CUX1: variants seen among roughly 807,000 people sequenced by gnomAD.
CUX1 encodes the protein protein CASP.
A neutral mutation model predicts 158.8 loss-of-function variants in CUX1; 31 were observed. That is an observed-to-expected ratio of 0.20 (90% CI 0.15 to 0.26). The LOEUF (loss-of-function observed/expected upper bound fraction) is 0.26, where lower values mean the gene tolerates loss of function less well. CUX1 is among the 10% of genes least tolerant of loss of function. The pLI is 1.00. For synonymous variants in CUX1, 879 were observed against 862.1 expected, an observed-to-expected ratio of 1.02 and a Z score of -0.34; for missense variants, 1,589 against 2,014.6, an observed-to-expected ratio of 0.79 and a Z score of 4.04.
chr7:102,151,521 T>G (rs1051084094), intron 8 of CUX1, among the ~76,000 whole-genome samples: 1 of 151,534 alleles, frequency 6.6e-6, no homozygotes, highest in South Asian at 2.1e-4. Flanking sequence ...GCCATTACAC[T>G]CCAGCCTGGG....
intron 2 of CUX1, among the ~76,000 whole-genome samples, chr7:101,972,496 A>T (rs1164695240): frequency 6.6e-6 from 1 of 152,200 alleles, no homozygotes; most frequent in Non-Finnish European, 1.5e-5. Context: ...CGTGTCATGG[A>T]TCCCGCATCG....
At chr7:101,944,947 G>A (rs956087966) in intron 2 of CUX1, among the ~76,000 whole-genome samples, 21 of 152,146 alleles carry the variant, frequency 1.4e-4, no homozygotes, top group South Asian at 6.2e-4. Context: ...TTAGCCTGGG[G>A]ATGAAGCTGC....
At chr7:101,964,029 G>T (rs1243194413) in intron 2 of CUX1, among the ~76,000 whole-genome samples, 1 of 152,068 alleles carries the variant, frequency 6.6e-6, no homozygotes, top group Non-Finnish European at 1.5e-5. Context: ...TCGGGAGATC[G>T]GGTGTTCTTG....
intron 11 of CUX1, among the ~76,000 whole-genome samples, chr7:102,183,747 C>G (rs2131838299): frequency 6.6e-6 from 1 of 152,340 alleles, no homozygotes; most frequent in East Asian, 1.9e-4. Context: ...CCATGTGGAG[C>G]CTGGCCCCAT....
At chr7:101,994,438 T>G (rs1815556285) in intron 2 of CUX1, among the ~76,000 whole-genome samples, 1 of 152,084 alleles carries the variant, frequency 6.6e-6, no homozygotes, top group East Asian at 1.9e-4. Context: ...CCGTCTCTAT[T>G]AAAAATACAA....
intron 10 of CUX1, among the ~76,000 whole-genome samples, 182 bp from the exon 11 acceptor site, chr7:102,178,287 G>C (rs1164477385): frequency 6.6e-6 from 1 of 152,214 alleles, no homozygotes; most frequent in African/African-American, 2.4e-5. Context: ...CGAGGTGGCA[G>C]CTAACCACAG....
intron 1 of CUX1, among the ~76,000 whole-genome samples, chr7:101,882,738 C>T (rs190075251): frequency 5.3e-5 from 8 of 152,218 alleles, no homozygotes; most frequent in East Asian, 1.9e-4. Context: ...GGAATCTGCA[C>T]GTGGGTCCTT....
At chr7:102,104,519 C>T (rs1830133179) in intron 6 of CUX1, 60 bp downstream of exon 6, 4 of 1,583,320 alleles carry the variant, frequency 2.5e-6, no homozygotes, top group Non-Finnish European at 3.4e-6. Context: ...AACTTCACAT[C>T]ATCAGACATG....
chr7:101,878,306 A>G (rs1449506594), intron 1 of CUX1, among the ~76,000 whole-genome samples: 1 of 152,226 alleles, frequency 6.6e-6, no homozygotes, highest in African/African-American at 2.4e-5. Context: ...GGAAACAGGC[A>G]GTGACTGTCA....
intron 1 of CUX1, among the ~76,000 whole-genome samples, chr7:101,871,892 C>T (rs760693588): frequency 6.6e-6 from 1 of 151,898 alleles, no homozygotes; most frequent in Non-Finnish European, 1.5e-5. Flanking sequence ...GCAGTGTGTG[C>T]CTGTAATCCC....
At position 102,083,333 on chromosome 7, in the gene CUX1, G is replaced by T. The variant is rs984440256; in HGVS notation, c.268+12916G>T. ...TGCACATTTGAATTTTGGAGACAGG[G>T]TCTTGCTCTGTTGCCCAGGCTGGAG... On this transcript the variant is annotated intron_variant, in intron 4 of 23. Transcript: ENST00000292535. 4.8e-5 allele frequency among the ~76,000 whole-genome samples: 7 copies of T among 146,962 alleles called. 2 individuals carry two copies. Among genetic ancestry groups the T allele is most frequent in the Admixed American group, 2.1e-4 (3 of 14,506 alleles).
intron 1 of CUX1, among the ~76,000 whole-genome samples, chr7:101,877,617 G>A (rs1006370614): frequency 1.3e-5 from 2 of 152,184 alleles, no homozygotes; most frequent in African/African-American, 4.8e-5. Context: ...AGCCCAGGAG[G>A]TGGAGGTTTC....
chr7:101,842,440 C>T lies in CUX1; in HGVS notation c.30+24771C>T, dbSNP rs550662155. The stretch of plus-strand genomic sequence containing the variant: ...TCTCGCTGCATCACCCAGGCTGGCA[C>T]GCAGTGGCGTGATCTCTGCTCACTG... On this transcript the variant is annotated intron_variant, in intron 1 of 23. Transcript: ENST00000292535. Among the ~76,000 whole-genome samples, 9 of 152,154 alleles carry T rather than the reference C, an allele frequency of 5.9e-5. No individual in the cohort carries two copies. In the South Asian group the frequency reaches 1.7e-3, roughly 28 times the overall value.
intron 2 of CUX1, among the ~76,000 whole-genome samples, chr7:101,942,968 C>G (rs1217660431): frequency 6.6e-6 from 1 of 152,002 alleles, no homozygotes; most frequent in Non-Finnish European, 1.5e-5. Context: ...TCTGTCCTTC[C>G]TAGAACAGCT....
At chr7:102,045,489 A>G (rs1177385183) in intron 3 of CUX1, among the ~76,000 whole-genome samples, 1 of 152,212 alleles carries the variant, frequency 6.6e-6, no homozygotes. Context: ...CCAGAAGTTA[A>G]CCTCTTAAAG....
At chr7:101,995,186 C>T (rs1449066890) in intron 2 of CUX1, among the ~76,000 whole-genome samples, 1 of 152,136 alleles carries the variant, frequency 6.6e-6, no homozygotes, top group Non-Finnish European at 1.5e-5. Flanking sequence ...CTCTTGGGCA[C>T]ACCCCTCACT....
At chr7:102,135,537 C>T (rs1386300524) in intron 8 of CUX1, among the ~76,000 whole-genome samples, 1 of 151,028 alleles carries the variant, frequency 6.6e-6, no homozygotes, top group Non-Finnish European at 1.5e-5. Flanking sequence ...TTGTTCAGAC[C>T]CATATTTGAG....
chr7:101,827,298 C>CTCTTCTT (rs1259799718), intron 1 of CUX1, among the ~76,000 whole-genome samples: 1 of 150,626 alleles, frequency 6.6e-6, no homozygotes, highest in African/African-American at 2.4e-5. Context: ...CTCTTCTTTT[C>CTCTTCTT]TTTTCTTTTC....
chr7:101,952,997 G>A (rs1809282569), intron 2 of CUX1, among the ~76,000 whole-genome samples: 1 of 152,188 alleles, frequency 6.6e-6, no homozygotes, highest in Non-Finnish European at 1.5e-5. Context: ...GTAAATGAAG[G>A]AGCAGAGGGA....
Sources: gnomAD v4.1 joint callset for allele counts (sites outside exome capture counted in the v4.1 genomes callset) on GRCh38, gnomAD v4.1.1 for gene constraint, MANE v1.5 for transcripts, NCBI Gene and HGNC (gene_info 2026-07-23, HGNC 2026-07-21) for gene names.